The following KLF15 variants were observed in gnomAD, a reference collection of about 807,000 sequenced individuals.
The protein encoded by KLF15 is KLF transcription factor 15, also known as Krueppel-like factor 15.
In KLF15, 4 loss-of-function variants were observed where a neutral mutation model predicts 24.6. That is an observed-to-expected ratio of 0.16 (90% CI 0.08 to 0.37). The LOEUF is 0.37. Among genes scored for constraint, KLF15 ranks in the 10% least tolerant of loss-of-function variants. KLF15 has a pLI of 1.00. For synonymous variants in KLF15, 246 were observed against 236.3 expected, an observed-to-expected ratio of 1.04 and a Z score of -0.37; for missense variants, 496 against 560.6, an observed-to-expected ratio of 0.88 and a Z score of 1.16.
At chr3:126,326,378 T>A in the KLF15 span, among the ~76,000 whole-genome samples, 1 of 152,080 alleles carries the variant, frequency 6.6e-6, no homozygotes, top group Non-Finnish European at 1.5e-5. Flanking sequence ...GGGGATGGCA[T>A]TGAATCTGTA....
intron 1 of KLF15, 91 bp from the exon 2 acceptor site, chr3:126,353,038 C>G (rs1297679475): frequency 9.3e-6 from 13 of 1,396,976 alleles, no homozygotes; most frequent in Non-Finnish European, 1.2e-5. Flanking sequence ...GCTGCCTGCC[C>G]ACAGCCTCCT....
the KLF15 span, among the ~76,000 whole-genome samples, chr3:126,337,500 G>A: frequency 6.2e-5 from 9 of 145,838 alleles, no homozygotes; most frequent in Non-Finnish European, 7.4e-5. Flanking sequence ...TGGGTGCAGC[G>A]CACCAGCATG....
At chr3:126,331,351 C>A in the KLF15 span, among the ~76,000 whole-genome samples, 1 of 152,216 alleles carries the variant, frequency 6.6e-6, no homozygotes, top group Non-Finnish European at 1.5e-5. Context: ...TGTAAAACCA[C>A]TACAATTTCA....
In KLF15 at chr3:126,347,367, G is replaced by C. The variant is rs145353329; in HGVS notation, c.1083-3472C>G. Among the ~76,000 whole-genome samples, 564 of 152,296 alleles carry C rather than the reference G, an allele frequency of 3.7e-3. 3 individuals carry two copies. Among genetic ancestry groups the C allele is most frequent in the African/African-American group, 0.013 (543 of 41,566 alleles). ...GGAGGTCAGAAAAAGCCTCAATGCA[G>C]AGGGGTCATGAGAGCAGGCTGGGAG... On this transcript the variant is annotated intron_variant, in intron 2 of 2. Coordinates refer to ENST00000296233, the MANE Select transcript of KLF15 (RefSeq NM_014079.4).
At chr3:126,291,471 G>A in the KLF15 span, among the ~76,000 whole-genome samples, 5 of 152,216 alleles carry the variant, frequency 3.3e-5, no homozygotes, top group African/African-American at 1.2e-4. Context: ...CCAGAACTGG[G>A]AGGGCTGAAA....
chr3:126,289,170 A>T, the KLF15 span, among the ~76,000 whole-genome samples: 1 of 152,256 alleles, frequency 6.6e-6, no homozygotes, highest in Non-Finnish European at 1.5e-5. Context: ...CATTTGCAAG[A>T]ATAAACTCCA....
the KLF15 span, among the ~76,000 whole-genome samples, chr3:126,300,085 G>A: frequency 2.0e-5 from 3 of 152,156 alleles, no homozygotes; most frequent in African/African-American, 4.8e-5. Context: ...CTCCACAGGG[G>A]GGTGAATCAT....
At chr3:126,290,506 A>ACCTTCCTTCCTT in the KLF15 span, among the ~76,000 whole-genome samples, 5,488 of 144,614 alleles carry the variant, frequency 0.038, 149 homozygotes, top group African/African-American at 0.059. Flanking sequence ...CTTCCTTCCT[A>ACCTTCCTTCCTT]CCTTCCTTCC....
At chr3:126,353,557 CACTT>C (rs1411537848) in intron 1 of KLF15, among the ~76,000 whole-genome samples, 1 of 152,202 alleles carries the variant, frequency 6.6e-6, no homozygotes, top group Non-Finnish European at 1.5e-5. Context: ...GGATAGGACA[CACTT>C]ACATTTAAAA....
the KLF15 span, among the ~76,000 whole-genome samples, chr3:126,296,641 G>T: frequency 1.3e-5 from 2 of 152,234 alleles, no homozygotes; most frequent in African/African-American, 4.8e-5. Context: ...AAGTCCAGCC[G>T]AGTGAATGTG....
chr3:126,323,879 T>C, the KLF15 span, among the ~76,000 whole-genome samples: 57 of 150,386 alleles, frequency 3.8e-4, no homozygotes, highest in African/African-American at 1.3e-3. Flanking sequence ...CTTCTCCATG[T>C]TCCTGCAAAG....
chr3:126,350,561 A>G (rs1047222752), intron 2 of KLF15, among the ~76,000 whole-genome samples: 3 of 152,242 alleles, frequency 2.0e-5, no homozygotes, highest in Non-Finnish European at 4.4e-5. Flanking sequence ...ACTGGCCAGA[A>G]CCTCTGCCCC....
rs144540503 is a variant in KLF15 at position 126,347,088 on chromosome 3, C to T, written c.1083-3193G>A. 1.1e-3 allele frequency among the ~76,000 whole-genome samples: 166 copies of T among 152,272 alleles called. 1 individual carries two copies. The highest frequency in any genetic ancestry group is 3.8e-3 in the African/African-American group (159 of 41,540). On this transcript the variant is annotated intron_variant, in intron 2 of 2. Coordinates refer to ENST00000296233, the MANE Select transcript of KLF15 (RefSeq NM_014079.4). ...GGGTCCTGCTGCAGACAGGGCAGCACTATGATTTGTGCTGAGCTGTAGGGC... is the reference window on the plus strand; with the variant it reads ...GGGTCCTGCTGCAGACAGGGCAGCATTATGATTTGTGCTGAGCTGTAGGGC...
the KLF15 span, among the ~76,000 whole-genome samples, chr3:126,297,702 G>A: frequency 6.6e-6 from 1 of 151,948 alleles, no homozygotes; most frequent in South Asian, 2.1e-4. Context: ...ATGATATTTG[G>A]TTTTCTTTTT....
the KLF15 span, among the ~76,000 whole-genome samples, chr3:126,317,415 C>G: frequency 6.6e-6 from 1 of 152,114 alleles, no homozygotes; most frequent in African/African-American, 2.4e-5. Flanking sequence ...ATAGAAAAAA[C>G]CTGAAACTGG....
At chr3:126,314,601 G>T in the KLF15 span, among the ~76,000 whole-genome samples, 9 of 152,196 alleles carry the variant, frequency 5.9e-5, no homozygotes, top group Non-Finnish European at 8.8e-5. Flanking sequence ...TAGAACTGAG[G>T]ACTACACTTC....
chr3:126,306,918 A>T, the KLF15 span, among the ~76,000 whole-genome samples: 10 of 151,988 alleles, frequency 6.6e-5, no homozygotes, highest in African/African-American at 2.4e-4. Flanking sequence ...CACTCCACCC[A>T]AGCTGTCTCC....
the KLF15 span, among the ~76,000 whole-genome samples, chr3:126,291,635 C>A: frequency 6.6e-6 from 1 of 152,260 alleles, no homozygotes; most frequent in South Asian, 2.1e-4. Context: ...CAGGTGGCTG[C>A]GTCCCGGCCT....
the KLF15 span, among the ~76,000 whole-genome samples, chr3:126,289,510 CAGAAG>C: frequency 6.6e-6 from 1 of 152,206 alleles, no homozygotes; most frequent in South Asian, 2.1e-4. Context: ...AGGCAATTCA[CAGAAG>C]ACAAAGTAAC....
Sources: gnomAD v4.1 joint callset for allele counts (sites outside exome capture counted in the v4.1 genomes callset) on GRCh38, gnomAD v4.1.1 for gene constraint, MANE v1.5 for transcripts, NCBI Gene and HGNC (gene_info 2026-07-23, HGNC 2026-07-21) for gene names.